ANK1: variants seen among roughly 807,000 people sequenced by gnomAD.
The protein encoded by ANK1 is ankyrin-1.
ANK1 carries 51 observed loss-of-function variants against 210.4 expected under a neutral mutation model. The observed-to-expected ratio is 0.24, with a 90% CI of 0.19 to 0.31. The LOEUF is 0.31. ANK1 is among the 10% of genes least tolerant of loss of function. The pLI, the probability that ANK1 is intolerant of heterozygous loss-of-function variation, is 1.00. For missense variants in ANK1, 2,051 were observed against 2,504.4 expected (o/e 0.82, Z 3.86); for synonymous variants, 967 against 1,025.9 (o/e 0.94, Z 1.10).
chr8:41,894,891 C>T (rs1032602366), intron 1 of ANK1, among the ~76,000 whole-genome samples: 2 of 152,060 alleles, frequency 1.3e-5, no homozygotes, highest in African/African-American at 4.8e-5. Context: ...GATTCATCAT[C>T]GGTTTGAAAA....
intron 1 of ANK1, among the ~76,000 whole-genome samples, chr8:41,837,914 C>T (rs1259426263): frequency 1.3e-5 from 2 of 152,104 alleles, no homozygotes; most frequent in African/African-American, 2.4e-5. Flanking sequence ...TGGTGAACAC[C>T]GTAAGCTCAT....
intron 1 of ANK1, among the ~76,000 whole-genome samples, chr8:41,764,498 G>A (rs1457640957): frequency 5.3e-5 from 8 of 152,170 alleles, no homozygotes; most frequent in Non-Finnish European, 7.3e-5. Context: ...ATGACAAACC[G>A]GAGCAGAATG....
At chr8:41,795,172 G>A (rs903689214) in intron 1 of ANK1, among the ~76,000 whole-genome samples, 2 of 152,330 alleles carry the variant, frequency 1.3e-5, no homozygotes, top group East Asian at 1.9e-4. Flanking sequence ...GTTTTGCAGA[G>A]ACACTGGCAG....
chr8:41,694,069 G>T lies in ANK1; in HGVS notation c.3361C>A (p.Leu1121Ile). The part of the protein sequence containing the change: ...QPVPDELVTK[L>I]LGNQATFSPI... ...CTGAATGTGGCCTGGTTGCCCAGGA[G>T]CTTAGTGACAAGCTCATCCGGGACA... is the stretch of plus-strand genomic sequence containing the variant. Residue 1121 changes from leucine to isoleucine, a missense_variant, in exon 29 of 43, where the codon CTC (leucine) becomes ATC (isoleucine). Around this residue, in one of 6 missense-constraint regions of ANK1, gnomAD observed 1,413 missense variants for 1,707.4 expected, o/e 0.83. Coordinates refer to ENST00000289734, the MANE Select transcript of ANK1 (RefSeq NM_000037.4). This position sits in a 1 kb window ranked among gnomAD's most constrained non-coding sequence, Gnocchi z 5.7. 1 of 1,614,052 alleles carries T rather than the reference G, an allele frequency of 6.2e-7. No homozygotes were observed. The highest frequency in any genetic ancestry group is 8.5e-7 in the Non-Finnish European group (1 of 1,179,980).
chr8:41,756,515 T>A (rs1369243338), intron 2 of ANK1, among the ~76,000 whole-genome samples: 1 of 151,652 alleles, frequency 6.6e-6, no homozygotes, highest in East Asian at 1.9e-4. Flanking sequence ...TGATCTCGGC[T>A]CACTGCAACC....
upstream of ANK1, chr8:41,797,725 GC>G (rs1849061044): frequency 1.2e-6 from 1 of 814,062 alleles, no homozygotes; most frequent in Non-Finnish European, 1.8e-6. The surrounding 1 kb of genome is among the most constrained non-coding windows in gnomAD (Gnocchi z 4.0). Flanking sequence ...CGGAGGGGTG[GC>G]GCCCGCCTGG....
At chr8:41,871,555 T>C (rs1208244745) in intron 1 of ANK1, among the ~76,000 whole-genome samples, 2 of 152,070 alleles carry the variant, frequency 1.3e-5, no homozygotes, top group Admixed American at 6.5e-5. Context: ...CGGGGGGCGA[T>C]GTTTCCACCA....
chr8:41,681,337 T>C (rs1274017169), intron 37 of ANK1, among the ~76,000 whole-genome samples: 4 of 152,254 alleles, frequency 2.6e-5, no homozygotes, highest in African/African-American at 4.8e-5. Flanking sequence ...AAACATGCTA[T>C]TTTATTTTGG....
intron 8 of ANK1, 82 bp from the exon 9 acceptor site, chr8:41,723,305 A>G (rs535866059): frequency 1.3e-5 from 19 of 1,452,164 alleles, no homozygotes; most frequent in Admixed American, 1.7e-5. Flanking sequence ...CTATGGCATC[A>G]TCCCAGCCCA....
At chr8:41,772,784 C>G (rs1351271345) in intron 1 of ANK1, among the ~76,000 whole-genome samples, 2 of 152,232 alleles carry the variant, frequency 1.3e-5, no homozygotes, top group African/African-American at 2.4e-5. Context: ...TCCTGACCCT[C>G]CTTCCATCTG....
chr8:41,843,300 T>G (rs1809360433), intron 1 of ANK1, among the ~76,000 whole-genome samples: 1 of 152,208 alleles, frequency 6.6e-6, no homozygotes, highest in African/African-American at 2.4e-5. Flanking sequence ...GTATAATACA[T>G]TGTTGTGAAG....
At chr8:41,659,375 G>GT (rs1807002999) in intron 42 of ANK1, among the ~76,000 whole-genome samples, 1 of 152,222 alleles carries the variant, frequency 6.6e-6, no homozygotes, top group South Asian at 2.1e-4. Flanking sequence ...GGGATTGCAC[G>GT]GGTTGGGCGA....
At position 41,668,251 on chromosome 8, in the gene ANK1, C is replaced by A; in HGVS notation, c.5394+16G>T. 3.1e-6 allele frequency: 5 copies of A among 1,614,182 alleles called. No individual in the cohort carries two copies. Among genetic ancestry groups the A allele is most frequent in the Non-Finnish European group, 4.2e-6 (5 of 1,180,034 alleles). ...TGGGAAGGAACAGCAGCACGCAGCTCCCCTCGGGCTCTCACCTGCACCACT... is the reference window on the plus strand; with the variant it reads ...TGGGAAGGAACAGCAGCACGCAGCTACCCTCGGGCTCTCACCTGCACCACT... On this transcript the variant is annotated intron_variant, in intron 39 of 42. Transcript: ENST00000289734.
rs1254025608 is a variant in ANK1 at position 41,654,245 on chromosome 8, C to T, written c.*1545G>A. The T allele has an allele frequency of 6.5e-6, 1 of 152,706 alleles. No homozygotes were observed. Among genetic ancestry groups the T allele is most frequent in the Non-Finnish European group, 1.5e-5 (1 of 68,096 alleles). The allele number at this position is 152,706 out of a possible 1,614,324, so 9.5% of individuals were successfully genotyped here. The stretch of plus-strand genomic sequence containing the variant: ...CCGGAGGCTCTAGTGGAACTTAAGG[C>T]TCCTCCCTGATGGCACCGAGGCGAG... On this transcript the variant is annotated 3_prime_UTR_variant, in exon 43 of 43. Transcript: ENST00000289734.
intron 1 of ANK1, among the ~76,000 whole-genome samples, chr8:41,823,925 AG>A (rs1804907050): frequency 6.6e-6 from 1 of 152,044 alleles, no homozygotes; most frequent in Non-Finnish European, 1.5e-5. Flanking sequence ...TGTATCCCCA[AG>A]TAGCAAATAG....
At chr8:41,875,732 G>C (rs1184785419) in intron 1 of ANK1, among the ~76,000 whole-genome samples, 1 of 152,198 alleles carries the variant, frequency 6.6e-6, no homozygotes, top group East Asian at 1.9e-4. Context: ...TTTGCAGGGG[G>C]AGGACAAACT....
intron 2 of ANK1, among the ~76,000 whole-genome samples, chr8:41,747,696 C>A (rs564779202): frequency 2.0e-5 from 3 of 152,154 alleles, no homozygotes; most frequent in Non-Finnish European, 4.4e-5. Flanking sequence ...TCTTCATATT[C>A]TAAATTCCTA....
At chr8:41,793,799 A>G (rs1848221273) in intron 1 of ANK1, among the ~76,000 whole-genome samples, 1 of 152,206 alleles carries the variant, frequency 6.6e-6, no homozygotes, top group Non-Finnish European at 1.5e-5. Flanking sequence ...GTGATTTTAT[A>G]GTGGCTCCCA....
At chr8:41,727,765 G>A in intron 4 of ANK1, 143 bp downstream of exon 4, 2 of 774,268 alleles carry the variant, frequency 2.6e-6, no homozygotes, top group Non-Finnish European at 4.5e-6. Flanking sequence ...CCACTGCTCA[G>A]AGACATGCTC....
Sources: gnomAD v4.1 joint callset for allele counts (sites outside exome capture counted in the v4.1 genomes callset) on GRCh38, gnomAD v4.1.1 for gene constraint, gnomAD v4.1.1 regional missense constraint, Gnocchi (gnomAD v3.1) non-coding constraint, MANE v1.5 for transcripts, NCBI Gene and HGNC (gene_info 2026-07-23, HGNC 2026-07-21) for gene names.